Variants in LONRF1 observed in about 807,000 individuals in gnomAD.
LONRF1 encodes the protein LON peptidase N-terminal domain and ring finger 1.
A neutral mutation model predicts 85.8 loss-of-function variants in LONRF1; 37 were observed. The ratio of observed to expected loss-of-function variants is 0.43; its 90% CI spans 0.33 to 0.57. The LOEUF (loss-of-function observed/expected upper bound fraction) is 0.57, where lower values mean the gene tolerates loss of function less well. Among genes scored for constraint, LONRF1 ranks in the 20% least tolerant of loss-of-function variants. The pLI is 0.04. For synonymous variants in LONRF1, 517 were observed against 390.1 expected (o/e 1.33, Z -3.83); for missense variants, 1,036 against 978.0 (o/e 1.06, Z -0.79).
intron 2 of LONRF1, among the ~76,000 whole-genome samples, chr8:12,742,079 T>C (rs763909683): frequency 3.9e-5 from 6 of 152,226 alleles, no homozygotes; most frequent in Admixed American, 2.6e-4. Flanking sequence ...GAAGAAAACC[T>C]TTCTGATTAC....
At chr8:12,751,734 T>A (rs1799414871) in intron 1 of LONRF1, among the ~76,000 whole-genome samples, 2 of 151,872 alleles carry the variant, frequency 1.3e-5, no homozygotes, top group African/African-American at 4.8e-5. Flanking sequence ...TATACTGTTC[T>A]GTTGTCTTCC....
chr8:12,744,593 T>C (rs1799070323), intron 1 of LONRF1, among the ~76,000 whole-genome samples: 2 of 152,190 alleles, frequency 1.3e-5, no homozygotes, highest in African/African-American at 4.8e-5. Context: ...GAGGAGCTTA[T>C]AATCTAGCTA....
chr8:12,735,989 G>T (rs139625824), intron 6 of LONRF1, among the ~76,000 whole-genome samples: 6 of 152,086 alleles, frequency 3.9e-5, no homozygotes, highest in Non-Finnish European at 5.9e-5. Context: ...CTTATTTTCT[G>T]AAACATGATA....
chr8:12,728,839 C>T lies in LONRF1; in HGVS notation c.2010+62G>A, dbSNP rs1338773036. 16 of 1,587,654 alleles carry T rather than the reference C, an allele frequency of 1.0e-5. No homozygotes were observed. In the East Asian group the frequency reaches 3.6e-4, roughly 35 times the overall value. On this transcript the variant is annotated intron_variant, in intron 10 of 11. Transcript: ENST00000398246. ...ATGCACCTAGAAAATAGCCTGCATG[C>T]CTGTACCAATCCCTGGAACAGGATA...
rs373942325 is a variant in LONRF1, at chr8:12,723,089, G to A, written c.*7C>T. The A allele has an allele frequency of 5.4e-4, 868 of 1,606,236 alleles. No homozygotes were observed. Among genetic ancestry groups the A allele is most frequent in the Non-Finnish European group, 7.2e-4 (844 of 1,176,110 alleles). The stretch of plus-strand genomic sequence containing the variant: ...GGGTCACTTTAAAGGGAGATCCAAA[G>A]AGTTAGTTACTTAGATTGGTCTCTA... On this transcript the variant is annotated 3_prime_UTR_variant, in exon 12 of 12. Transcript: ENST00000398246.
rs116967243 is a variant in LONRF1, at chr8:12,749,386, G to T, written c.721+5314C>A. 4.5e-4 allele frequency among the ~76,000 whole-genome samples: 68 copies of T among 152,232 alleles called. No individual in the cohort carries two copies. In the East Asian group the frequency reaches 0.011, roughly 24 times the overall value. On this transcript the variant is annotated intron_variant, in intron 1 of 11. Transcript: ENST00000398246. ...AAAACCAAACAGAAGCTTCCATCTT[G>T]CATTTTAGAGTTCCCTGAAGTCATT... is the stretch of plus-strand genomic sequence containing the variant.
rs114772732 is a variant in LONRF1, at chr8:12,735,161, T to A, written c.1566+125A>T. 1,172 of 649,452 alleles carry A rather than the reference T, an allele frequency of 1.8e-3. 8 individuals carry two copies. The African/African-American group carries it at 0.019, about 11-fold the overall frequency. The allele number at this position is 649,452 out of a possible 1,614,324, so 40.2% of individuals were successfully genotyped here. On this transcript the variant is annotated intron_variant, in intron 7 of 11. Transcript: ENST00000398246. ...CATATGGGTAATAAAACATTATCCT[T>A]GTTAGTCACTCAGAATATAGAATGT...
rs201800084 is a variant in LONRF1, at chr8:12,728,902, T to G, written c.2009A>C (p.Lys670Thr). The G allele has an allele frequency of 6.2e-7, 1 of 1,613,860 alleles. No homozygotes were observed. Among genetic ancestry groups the G allele is most frequent in the East Asian group, 2.2e-5 (1 of 44,878 alleles). ...CTGGCAAAGCACATTTTAAAATACC[T>G]TAACATCTTCCAGATATTCAATGTC... ...TADIEYLEDV[K>T]VENEDEIKNL... Residue 670 changes from lysine to threonine, a missense_variant and splice_region_variant, in exon 10 of 12, where the codon AAG becomes ACG. By Grantham distance (78) the Lys-to-Thr change is moderately conservative. Transcript: ENST00000398246.
At chr8:12,724,897 T>C (rs554436363) in intron 11 of LONRF1, among the ~76,000 whole-genome samples, 7 of 152,310 alleles carry the variant, frequency 4.6e-5, no homozygotes, top group African/African-American at 1.7e-4. Context: ...TTCAGACAAA[T>C]GTAGACCAAC....
Position 12,739,209 on chromosome 8 carries a change from G to A in LONRF1, c.964-1065C>T, listed in dbSNP as rs117239657. On this transcript the variant is annotated intron_variant, in intron 3 of 11. Transcript: ENST00000398246. ...ACTCATAGCAGCTTAGTTTATATCA[G>A]GAAAAAATACTGGAAACAATCCAAA... 2.0e-5 allele frequency among the ~76,000 whole-genome samples: 3 copies of A among 151,522 alleles called. No homozygotes were observed. In the East Asian group the frequency reaches 5.8e-4, roughly 29 times the overall value.
At chr8:12,740,000 G>A (rs949494635) in intron 3 of LONRF1, among the ~76,000 whole-genome samples, 7 of 152,062 alleles carry the variant, frequency 4.6e-5, no homozygotes, top group African/African-American at 2.4e-5. Flanking sequence ...AACATCTCCT[G>A]GGATGCTTCT....
chr8:12,753,436 T>C (rs572041412), intron 1 of LONRF1: 10 of 152,328 alleles, frequency 6.6e-5, no homozygotes, highest in Middle Eastern at 6.8e-3. Flanking sequence ...CACTAAGATC[T>C]TGAAATACGC....
At chr8:12,747,614 C>T (rs1799213985) in intron 1 of LONRF1, among the ~76,000 whole-genome samples, 1 of 144,460 alleles carries the variant, frequency 6.9e-6, no homozygotes, top group African/African-American at 2.4e-5. Context: ...GGAGGTTAGC[C>T]TTCTAGGCAG....
chr8:12,726,370 C>A (rs1407018986), intron 10 of LONRF1, among the ~76,000 whole-genome samples: 1 of 152,026 alleles, frequency 6.6e-6, no homozygotes, highest in Non-Finnish European at 1.5e-5. Flanking sequence ...GGAACTGGGT[C>A]AAAACACAAA....
At chr8:12,746,777 A>G (rs1050403190) in intron 1 of LONRF1, among the ~76,000 whole-genome samples, 6 of 152,178 alleles carry the variant, frequency 3.9e-5, no homozygotes, top group East Asian at 3.8e-4. Context: ...TACAGCTAGT[A>G]ATTGGTGGAT....
At chr8:12,731,969 C>T in intron 7 of LONRF1, 112 bp from the exon 8 acceptor site, 1 of 1,012,792 alleles carries the variant, frequency 9.9e-7, no homozygotes, top group Non-Finnish European at 1.4e-6. Context: ...ACCATCAATT[C>T]TGGATTAATT....
Position 12,755,340 on chromosome 8 carries a change from G to A in LONRF1, c.81C>T (p.Phe27=), listed in dbSNP as rs1433128905. ...MAPAPQGRGR[F]WEVGGGSGHR... ...GGCCGCTGCCGCCGCCCACTTCCCA[G>A]AACCGGCCTCGGCCCTGCGGCGCTG... The change falls in exon 1 of 12, where the codon TTC becomes TTT. Residue 27 remains phenylalanine (F), a synonymous_variant. Coordinates refer to ENST00000398246, the MANE Select transcript of LONRF1 (RefSeq NM_152271.5). The A allele has an allele frequency of 1.3e-5, 16 of 1,249,076 alleles. No individual in the cohort carries two copies. In the Admixed American group the frequency reaches 3.5e-4, roughly 27 times the overall value. The allele number at this position is 1,249,076 out of a possible 1,614,324, so 77.4% of individuals were successfully genotyped here.
chr8:12,740,783 T>C (rs966815090), intron 3 of LONRF1, 91 bp downstream of exon 3: 3 of 1,474,418 alleles, frequency 2.0e-6, no homozygotes, highest in African/African-American at 1.4e-5. Flanking sequence ...TTACTACTTA[T>C]GTTCTTATTC....
At chr8:12,727,727 C>A (rs938485871) in intron 10 of LONRF1, among the ~76,000 whole-genome samples, 1 of 152,152 alleles carries the variant, frequency 6.6e-6, no homozygotes, top group Non-Finnish European at 1.5e-5. Context: ...CAAGTGATTC[C>A]ATTAACCAAG....
Sources: allele counts gnomAD v4.1 joint callset (sites outside exome capture counted in the v4.1 genomes callset), GRCh38; gene constraint gnomAD v4.1.1; transcripts MANE v1.5; gene names NCBI Gene and HGNC (gene_info 2026-07-23, HGNC 2026-07-21).